SVEP1: variants seen among roughly 807,000 people sequenced by gnomAD.
SVEP1 encodes the protein sushi, von Willebrand factor type A, EGF and pentraxin domain containing 1, also known as sushi, von Willebrand factor type A, EGF and pentraxin domain-containing protein 1.
In SVEP1, 164 loss-of-function variants were observed where a neutral mutation model predicts 367.3. The observed-to-expected ratio is 0.45, with a 90% CI of 0.39 to 0.51. The LOEUF (loss-of-function observed/expected upper bound fraction) is 0.51, where lower values mean the gene tolerates loss of function less well. Ranked by LOEUF, SVEP1 falls within the 20% of genes least tolerant of loss-of-function variation. The pLI is 0.00. For synonymous variants in SVEP1, 1,666 were observed against 1,611.6 expected (o/e 1.03, Z -0.81); for missense variants, 4,117 against 4,425.3 (o/e 0.93, Z 1.98).
rs377537371 is a variant in SVEP1, at chr9:110,408,038, G to A, written c.7562C>T (p.Thr2521Ile). 275 of 1,613,868 alleles carry A rather than the reference G, an allele frequency of 1.7e-4. No homozygotes were observed. Among genetic ancestry groups the A allele is most frequent in the Non-Finnish European group, 2.2e-4 (258 of 1,179,896 alleles). ...YTDLHYGQTVTYSCNRGFRLE... is the reference protein window; with the variant it reads ...YTDLHYGQTVIYSCNRGFRLE... ...CCGAAAGCCTCGGTTGCAAGAGTAGGTAACGGTCTGTCCATAGTGTAGGTC... is the reference window on the plus strand; with the variant it reads ...CCGAAAGCCTCGGTTGCAAGAGTAGATAACGGTCTGTCCATAGTGTAGGTC... Residue 2521 changes from threonine (T) to isoleucine (I), a missense_variant, in exon 38 of 48, where the codon ACC (threonine) becomes ATC (isoleucine). By Grantham distance (89) the Thr-to-Ile change is moderately conservative. This residue lies in a region of SVEP1 where 1,765 missense variants were observed against 1,781.1 expected (regional missense o/e 0.99). Coordinates refer to ENST00000374469, the MANE Select transcript of SVEP1 (RefSeq NM_153366.4).
At chr9:110,405,084 A>C (rs142133429) in intron 38 of SVEP1, among the ~76,000 whole-genome samples, 49 of 152,256 alleles carry the variant, frequency 3.2e-4, no homozygotes, top group African/African-American at 1.1e-3. Context: ...TATCCACATG[A>C]AAAGTTAATC....
intron 9 of SVEP1, 33 bp from the exon 10 acceptor site, chr9:110,483,726 A>G (rs1829234482): frequency 6.7e-7 from 1 of 1,502,336 alleles, no homozygotes. Context: ...AAGAAGTCAC[A>G]GCTGATATTC....
At chr9:110,479,583 G>T in intron 13 of SVEP1, 52 bp downstream of exon 13, 2 of 1,546,476 alleles carry the variant, frequency 1.3e-6, no homozygotes, top group East Asian at 2.3e-5. Flanking sequence ...ACTCAGAAAG[G>T]TTATGAAAGC....
chr9:110,473,554 G>A (rs2118677862), intron 14 of SVEP1, among the ~76,000 whole-genome samples: 1 of 152,114 alleles, frequency 6.6e-6, no homozygotes, highest in African/African-American at 2.4e-5. Flanking sequence ...CAAATTTTAT[G>A]GCATTTCTAT....
At position 110,561,542 on chromosome 9, in the gene SVEP1, C is replaced by A. The variant is rs370156373; in HGVS notation, c.532-11438G>T. 1.1e-4 allele frequency among the ~76,000 whole-genome samples: 16 copies of A among 152,104 alleles called. 1 individual carries two copies. In the South Asian group the frequency reaches 2.9e-3, roughly 28 times the overall value. ...GCAGAATAAACTAATACATTCTAGGCCAAAACGTTTTTAGTAAATTCTATC... is the reference window on the plus strand; with the variant it reads ...GCAGAATAAACTAATACATTCTAGGACAAAACGTTTTTAGTAAATTCTATC... On this transcript the variant is annotated intron_variant, in intron 1 of 47. Coordinates refer to ENST00000374469, the MANE Select transcript of SVEP1 (RefSeq NM_153366.4).
intron 23 of SVEP1, among the ~76,000 whole-genome samples, chr9:110,450,547 G>A (rs1828678193): frequency 7.2e-6 from 1 of 138,570 alleles, no homozygotes; most frequent in Admixed American, 8.1e-5. Context: ...TCGGCTCACT[G>A]CAACTTTCAC....
chr9:110,388,706 T>C (rs1391538988), intron 41 of SVEP1, among the ~76,000 whole-genome samples: 2 of 152,168 alleles, frequency 1.3e-5, no homozygotes, highest in Non-Finnish European at 2.9e-5. Context: ...TGGTGGCTCA[T>C]GCCTATAATC....
Position 110,435,313 on chromosome 9 carries a change from A to C in SVEP1, c.4816T>G (p.Leu1606Val). Residue 1606 changes from leucine to valine, a missense_variant, in exon 29 of 48, where the codon TTA becomes GTA. By Grantham distance (32) the Leu-to-Val change is conservative (BLOSUM62 1). Around this residue, in one of 4 missense-constraint regions of SVEP1, gnomAD observed 2,174 missense variants for 2,494.3 expected, o/e 0.87. Transcript: ENST00000374469. Reference sequence around the variant, plus strand: ...CCTGACAAGAAATCAGGCCATGCTAACACGTTTCCTTTACTGAGTTCCTCT... The same window carrying C: ...CCTGACAAGAAATCAGGCCATGCTACCACGTTTCCTTTACTGAGTTCCTCT... ...CPEELSKGNV[L>V]AWPDFLSGIV... 6 of 1,613,672 alleles carry C rather than the reference A, an allele frequency of 3.7e-6. No homozygotes were observed. Among genetic ancestry groups the C allele is most frequent in the Non-Finnish European group, 5.1e-6 (6 of 1,179,634 alleles).
At chr9:110,389,840 G>A (rs66730925) in intron 40 of SVEP1, among the ~76,000 whole-genome samples, 5,440 of 137,200 alleles carry the variant, frequency 0.04, 152 homozygotes, top group Non-Finnish European at 0.056. Flanking sequence ...TATTTTAAAC[G>A]GCAACTAATT....
intron 1 of SVEP1, among the ~76,000 whole-genome samples, chr9:110,552,156 C>T (rs888461047): frequency 2.6e-5 from 4 of 151,492 alleles, no homozygotes; most frequent in Non-Finnish European, 2.9e-5. Flanking sequence ...CTCAGCCTCC[C>T]GAGTAGCTGG....
intron 43 of SVEP1, among the ~76,000 whole-genome samples, chr9:110,384,348 G>A (rs1424475552): frequency 6.6e-6 from 1 of 151,942 alleles, no homozygotes. Flanking sequence ...TCTGTGGATT[G>A]CGCCAACTGC....
chr9:110,474,910 T>C (rs1829075708), intron 14 of SVEP1, among the ~76,000 whole-genome samples: 2 of 151,722 alleles, frequency 1.3e-5, no homozygotes, highest in South Asian at 2.1e-4. Context: ...TAACTAAGAA[T>C]TTGTGTTCAA....
At chr9:110,475,006 A>G in intron 14 of SVEP1, among the ~76,000 whole-genome samples, 1 of 150,916 alleles carries the variant, frequency 6.6e-6, no homozygotes, top group East Asian at 1.9e-4. Context: ...CAGTATATAT[A>G]GTATGGTATA....
chr9:110,545,588 G>A (rs1564172844), intron 3 of SVEP1, among the ~76,000 whole-genome samples: 1 of 152,146 alleles, frequency 6.6e-6, no homozygotes, highest in Non-Finnish European at 1.5e-5. Flanking sequence ...CCAGTTACAT[G>A]TGGCCTGGGG....
At chr9:110,441,771 G>A (rs1828512985) in intron 27 of SVEP1, among the ~76,000 whole-genome samples, 1 of 152,158 alleles carries the variant, frequency 6.6e-6, no homozygotes, top group Admixed American at 6.5e-5. Context: ...CCTCTGGTTG[G>A]AAACCTCTTT....
chr9:110,504,829 T>C (rs1163086438), intron 5 of SVEP1, among the ~76,000 whole-genome samples: 1 of 152,164 alleles, frequency 6.6e-6, no homozygotes, highest in Non-Finnish European at 1.5e-5. Context: ...TCTTCCTTTG[T>C]TAATTTTTTA....
intron 30 of SVEP1, among the ~76,000 whole-genome samples, chr9:110,433,654 T>C (rs570177363): frequency 2.8e-4 from 43 of 151,836 alleles, no homozygotes; most frequent in African/African-American, 9.4e-4. Context: ...GTATTTTTTG[T>C]GGAGATAGGG....
intron 26 of SVEP1, among the ~76,000 whole-genome samples, chr9:110,444,491 G>A (rs937437136): frequency 3.3e-5 from 5 of 152,192 alleles, no homozygotes; most frequent in Non-Finnish European, 5.9e-5. Context: ...GACTAAGACA[G>A]TTGCTCATGT....
At chr9:110,413,126 G>A (rs1828068490) in intron 36 of SVEP1, among the ~76,000 whole-genome samples, 1 of 143,102 alleles carries the variant, frequency 7.0e-6, no homozygotes, top group Non-Finnish European at 1.5e-5. Flanking sequence ...CAATAGCAAA[G>A]ACTTGGAACC....
Sources: allele counts gnomAD v4.1 joint callset (sites outside exome capture counted in the v4.1 genomes callset), GRCh38; gene constraint gnomAD v4.1.1; regional missense constraint gnomAD v4.1.1; transcripts MANE v1.5; gene names NCBI Gene and HGNC (gene_info 2026-07-23, HGNC 2026-07-21).